ANXA4: variants seen among roughly 807,000 people sequenced by gnomAD.
The protein encoded by ANXA4 is 35-beta calcimedin.
ANXA4 carries 39 observed loss-of-function variants against 49.8 expected under a neutral mutation model. The observed-to-expected ratio is 0.78, with a 90% CI of 0.61 to 1.02. ANXA4 has a LOEUF of 1.02. Among genes scored for constraint, ANXA4 ranks in the 50% least tolerant of loss-of-function variants. The pLI is 0.00. For synonymous variants in ANXA4, 134 were observed against 152.5 expected (o/e 0.88, Z 0.89); for missense variants, 360 against 410.1 (o/e 0.88, Z 1.05).
chr2:69,794,169 A>C (rs1672819748), intron 3 of ANXA4, among the ~76,000 whole-genome samples: 1 of 152,198 alleles, frequency 6.6e-6, no homozygotes, highest in African/African-American at 2.4e-5. Flanking sequence ...AGATCCCTTT[A>C]GCAGCAAAGC....
chr2:69,758,357 C>T (rs558033387), intron 1 of ANXA4, among the ~76,000 whole-genome samples: 131 of 152,330 alleles, frequency 8.6e-4, no homozygotes, highest in Non-Finnish European at 1.5e-3. Flanking sequence ...AGGCTTACGC[C>T]TATAAGCCCA....
At chr2:69,734,817 G>C (rs542948791) in intron 3 of ANXA4, among the ~76,000 whole-genome samples, 9 of 152,294 alleles carry the variant, frequency 5.9e-5, no homozygotes, top group Non-Finnish European at 1.2e-4. Context: ...CCCTCTAGTA[G>C]TGTCAACTTG....
At chr2:69,694,916 A>G (rs1678111235) in intron 2 of ANXA4, among the ~76,000 whole-genome samples, 1 of 152,116 alleles carries the variant, frequency 6.6e-6, no homozygotes, top group South Asian at 2.1e-4. Flanking sequence ...GTAAGCCACC[A>G]TGCCCAGGCT....
chr2:69,682,880 A>G (rs1021926559), intron 2 of ANXA4, among the ~76,000 whole-genome samples: 2 of 152,206 alleles, frequency 1.3e-5, no homozygotes, highest in African/African-American at 4.8e-5. Context: ...TTTATTTCTC[A>G]GTCTTGAGAC....
chr2:69,691,215 C>A (rs1367028667), intron 2 of ANXA4, among the ~76,000 whole-genome samples: 2 of 151,810 alleles, frequency 1.3e-5, no homozygotes, highest in Admixed American at 6.6e-5. Context: ...CCTCTGCCTC[C>A]CAGGTTCAAG....
chr2:69,690,874 T>C (rs1420365292), intron 2 of ANXA4, among the ~76,000 whole-genome samples: 4 of 152,270 alleles, frequency 2.6e-5, no homozygotes, highest in Non-Finnish European at 4.4e-5. Flanking sequence ...GCCTTAGTAC[T>C]GTTTGTAAAA....
At chr2:69,820,659 T>A in intron 11 of ANXA4, 40 bp from the exon 12 acceptor site, 1 of 1,610,184 alleles carries the variant, frequency 6.2e-7, no homozygotes, top group Non-Finnish European at 8.5e-7. Flanking sequence ...GAAAAACAGC[T>A]AGGTTTTTGT....
intron 1 of ANXA4, among the ~76,000 whole-genome samples, chr2:69,757,282 T>A (rs1391106319): frequency 2.0e-4 from 24 of 121,032 alleles, no homozygotes; most frequent in African/African-American, 8.3e-4. Context: ...TTTTTTTTTT[T>A]TTTTTTTAGG....
At position 69,759,897 on chromosome 2, in the gene ANXA4, A is replaced by G. The variant is rs1671206022; in HGVS notation, c.-47+17722A>G. The stretch of plus-strand genomic sequence containing the variant: ...GCCCAGGCTGGAGTGCAGTGGTGTG[A>G]TCTTGGCTCACTGCAAGCTCCACCT... On this transcript the variant is annotated intron_variant, in intron 1 of 12. Coordinates refer to ENST00000394295, the MANE Select transcript of ANXA4 (RefSeq NM_001153.5). Among the ~76,000 whole-genome samples, 5 of 152,110 alleles carry G rather than the reference A, an allele frequency of 3.3e-5. No individual in the cohort carries two copies. In the South Asian group the frequency reaches 6.2e-4, roughly 19 times the overall value.
At chr2:69,805,521 G>A (rs9309433) in intron 4 of ANXA4, among the ~76,000 whole-genome samples, 10,732 of 151,430 alleles carry the variant, frequency 0.071, 1,239 homozygotes, top group African/African-American at 0.25. Context: ...CAGGAGAATC[G>A]CTTGAATCCA....
intron 1 of ANXA4, among the ~76,000 whole-genome samples, chr2:69,756,065 G>A (rs951119543): frequency 1.3e-5 from 2 of 152,086 alleles, no homozygotes; most frequent in African/African-American, 4.8e-5. Flanking sequence ...AATTGGTCAG[G>A]GTGCAAAGAT....
intron 3 of ANXA4, among the ~76,000 whole-genome samples, chr2:69,796,352 T>TGGTAAAAG: frequency 6.6e-6 from 1 of 152,318 alleles, no homozygotes; most frequent in South Asian, 2.1e-4. Context: ...CTGGGGCTCC[T>TGGTAAAAG]CCCAGTCCCT....
intron 2 of ANXA4, among the ~76,000 whole-genome samples, chr2:69,700,806 T>G (rs535807064): frequency 6.6e-6 from 1 of 152,360 alleles, no homozygotes; most frequent in South Asian, 2.1e-4. Context: ...CATATTTTTT[T>G]GTGTGTAACC....
At chr2:69,757,313 C>G (rs1208992025) in intron 1 of ANXA4, among the ~76,000 whole-genome samples, 1 of 132,460 alleles carries the variant, frequency 7.5e-6, no homozygotes, top group African/African-American at 2.8e-5. Flanking sequence ...CTGTGTTGCC[C>G]AGGCTGGAGT....
chr2:69,715,718 C>A (rs1429636678), intron 2 of ANXA4, among the ~76,000 whole-genome samples: 3 of 152,248 alleles, frequency 2.0e-5, no homozygotes, highest in Non-Finnish European at 4.4e-5. Context: ...CTATGTCTAT[C>A]TGAGTCCAAA....
At chr2:69,680,413 A>G (rs1046189196) in intron 2 of ANXA4, among the ~76,000 whole-genome samples, 4 of 152,138 alleles carry the variant, frequency 2.6e-5, no homozygotes, top group Admixed American at 6.6e-5. Context: ...TGCACCCTTT[A>G]GGTTTTTCTA....
At chr2:69,703,480 A>C (rs529798126) in intron 2 of ANXA4, among the ~76,000 whole-genome samples, 1 of 152,182 alleles carries the variant, frequency 6.6e-6, no homozygotes, top group African/African-American at 2.4e-5. Flanking sequence ...TGGATTCCCA[A>C]GACATTTCAT....
At chr2:69,719,243 A>G (rs1442649959) in intron 2 of ANXA4, among the ~76,000 whole-genome samples, 6 of 128,226 alleles carry the variant, frequency 4.7e-5, no homozygotes, top group Admixed American at 3.2e-4. Flanking sequence ...TTTTCTAACC[A>G]TTGACTATTT....
chr2:69,760,921 G>A (rs1353779151), intron 1 of ANXA4, among the ~76,000 whole-genome samples: 1 of 152,002 alleles, frequency 6.6e-6, no homozygotes, highest in Admixed American at 6.6e-5. Context: ...AACCACTTTG[G>A]GAGGCCAAGG....
Sources: allele counts gnomAD v4.1 joint callset (sites outside exome capture counted in the v4.1 genomes callset), GRCh38; gene constraint gnomAD v4.1.1; transcripts MANE v1.5; gene names NCBI Gene and HGNC (gene_info 2026-07-23, HGNC 2026-07-21).